Variants in CNTNAP5 observed in about 807,000 individuals in gnomAD.
CNTNAP5 encodes contactin associated protein family member 5.
CNTNAP5 carries 72 observed loss-of-function variants against 150.2 expected under a neutral mutation model. The ratio of observed to expected loss-of-function variants is 0.48; its 90% confidence interval spans 0.40 to 0.58. The LOEUF (loss-of-function observed/expected upper bound fraction) is 0.58. CNTNAP5 is among the 20% of genes least tolerant of loss of function. The pLI, the probability that CNTNAP5 is intolerant of heterozygous loss-of-function variation, is 0.00. For synonymous variants in CNTNAP5, 672 were observed against 619.8 expected (o/e 1.08, Z -1.25); for missense variants, 1,636 against 1,626.2 (o/e 1.01, Z -0.10).
At chr2:124,338,521 C>G (rs1573925798) in intron 3 of CNTNAP5, among the ~76,000 whole-genome samples, 1 of 152,088 alleles carries the variant, frequency 6.6e-6, no homozygotes, top group South Asian at 2.1e-4. Flanking sequence ...ATGCCAGGAG[C>G]TGGCCTCAAA....
chr2:124,713,235 C>A (rs1558746552), intron 13 of CNTNAP5, among the ~76,000 whole-genome samples: 440 of 40,732 alleles, frequency 0.011, 33 homozygotes, highest in African/African-American at 0.038. Flanking sequence ...TTCTTTCTTT[C>A]TTTCTTTCTC....
chr2:124,654,615 C>T (rs1003135220), intron 13 of CNTNAP5, among the ~76,000 whole-genome samples: 7 of 152,140 alleles, frequency 4.6e-5, no homozygotes, highest in Admixed American at 1.3e-4. Flanking sequence ...GTTCTTGCTG[C>T]GGCCCACTTT....
chr2:124,409,042 G>T (rs1278615331), intron 3 of CNTNAP5, among the ~76,000 whole-genome samples: 11 of 138,298 alleles, frequency 8.0e-5, no homozygotes, highest in African/African-American at 2.9e-4. Flanking sequence ...AGTGCTTAAA[G>T]GAGCTGATGG....
intron 4 of CNTNAP5, among the ~76,000 whole-genome samples, chr2:124,432,721 T>G (rs1692421582): frequency 6.6e-6 from 1 of 152,132 alleles, no homozygotes; most frequent in South Asian, 2.1e-4. Context: ...AGCTAGAATG[T>G]GAGAAGCCAA....
At chr2:124,388,888 C>T (rs144869681) in intron 3 of CNTNAP5, among the ~76,000 whole-genome samples, 128 of 152,164 alleles carry the variant, frequency 8.4e-4, no homozygotes, top group African/African-American at 2.6e-3. Flanking sequence ...ACCATGTTGA[C>T]CAGGCTGCAC....
At chr2:124,370,296 G>A (rs1404173432) in intron 3 of CNTNAP5, among the ~76,000 whole-genome samples, 2 of 151,820 alleles carry the variant, frequency 1.3e-5, no homozygotes, top group African/African-American at 4.8e-5. Flanking sequence ...AAAGCAGCAG[G>A]AAGAAGAGAA....
intron 13 of CNTNAP5, among the ~76,000 whole-genome samples, chr2:124,658,958 C>T (rs144304834): frequency 4.6e-5 from 7 of 152,214 alleles, no homozygotes; most frequent in South Asian, 2.1e-4. Flanking sequence ...GAGAAGGCTC[C>T]AGAGTTCTGG....
intron 2 of CNTNAP5, among the ~76,000 whole-genome samples, chr2:124,236,728 T>C (rs1181598125): frequency 1.3e-5 from 2 of 152,140 alleles, no homozygotes; most frequent in South Asian, 4.1e-4. Flanking sequence ...TGTAGTTTCA[T>C]AGGGCCTTCT....
At chr2:124,243,192 T>C (rs540147388) in intron 3 of CNTNAP5, among the ~76,000 whole-genome samples, 1 of 152,328 alleles carries the variant, frequency 6.6e-6, no homozygotes, top group South Asian at 2.1e-4. Context: ...TAAGTTTATA[T>C]TATTTTTCAT....
intron 19 of CNTNAP5, among the ~76,000 whole-genome samples, chr2:124,806,531 C>T (rs1424147195): frequency 1.3e-5 from 2 of 152,106 alleles, no homozygotes; most frequent in African/African-American, 4.8e-5. Flanking sequence ...GTTCTCACAG[C>T]CTCTGGGTCT....
At chr2:124,348,826 T>C (rs978541892) in intron 3 of CNTNAP5, among the ~76,000 whole-genome samples, 3 of 152,166 alleles carry the variant, frequency 2.0e-5, no homozygotes, top group Non-Finnish European at 4.4e-5. Context: ...ATATAAACAT[T>C]GTGTGTACAT....
chr2:124,225,767 T>G (rs887521587), intron 2 of CNTNAP5, among the ~76,000 whole-genome samples: 4 of 152,132 alleles, frequency 2.6e-5, no homozygotes, highest in Non-Finnish European at 4.4e-5. Flanking sequence ...TTGATCAACA[T>G]CTCTCCATTT....
At chr2:124,100,334 A>G (rs763795292) in intron 1 of CNTNAP5, among the ~76,000 whole-genome samples, 3 of 152,220 alleles carry the variant, frequency 2.0e-5, no homozygotes, top group Non-Finnish European at 4.4e-5. Flanking sequence ...AACATTGAGG[A>G]CTACAATTCA....
At chr2:124,673,725 A>G (rs1216559172) in intron 13 of CNTNAP5, among the ~76,000 whole-genome samples, 1 of 151,748 alleles carries the variant, frequency 6.6e-6, no homozygotes, top group Non-Finnish European at 1.5e-5. Context: ...CATCTAAGGC[A>G]TAGAGAGAAT....
chr2:124,857,157 C>G (rs145321889), intron 19 of CNTNAP5, among the ~76,000 whole-genome samples: 2 of 152,160 alleles, frequency 1.3e-5, no homozygotes, highest in East Asian at 3.9e-4. Context: ...GACAGTGAGC[C>G]TCCCCATAAG....
At chr2:124,063,052 C>T (rs924666985) in intron 1 of CNTNAP5, among the ~76,000 whole-genome samples, 5 of 151,744 alleles carry the variant, frequency 3.3e-5, no homozygotes, top group African/African-American at 1.2e-4. Context: ...GTTTCTTTTC[C>T]TGTCCTTACT....
At chr2:124,078,473 C>T (rs1312122061) in intron 1 of CNTNAP5, among the ~76,000 whole-genome samples, 1 of 152,138 alleles carries the variant, frequency 6.6e-6, no homozygotes, top group Non-Finnish European at 1.5e-5. Flanking sequence ...AGTTTGAATT[C>T]CAGTTCTTGC....
intron 1 of CNTNAP5, among the ~76,000 whole-genome samples, chr2:124,175,656 C>T (rs557131998): frequency 6.6e-6 from 1 of 152,222 alleles, no homozygotes; most frequent in South Asian, 2.1e-4. Flanking sequence ...ATGTTTAGCC[C>T]CCACTTATAA....
chr2:124,912,705 C>G (rs1040929016), intron 23 of CNTNAP5, among the ~76,000 whole-genome samples: 3 of 152,056 alleles, frequency 2.0e-5, no homozygotes, highest in Non-Finnish European at 4.4e-5. Context: ...AAAAGAAAGA[C>G]TTTTGTGACT....
Sources: allele counts gnomAD v4.1 joint callset (sites outside exome capture counted in the v4.1 genomes callset), GRCh38; gene constraint gnomAD v4.1.1; transcripts MANE v1.5; gene names NCBI Gene and HGNC (gene_info 2026-07-23, HGNC 2026-07-21).